The following SYNE2 variants were observed in gnomAD, a reference collection of about 807,000 sequenced individuals.
SYNE2 encodes spectrin repeat containing nuclear envelope protein 2.
Under a neutral mutation model 856.3 loss-of-function variants are expected in SYNE2, and 431 were observed. That is an observed-to-expected ratio of 0.50 (90% CI 0.47 to 0.55). SYNE2 has a LOEUF of 0.55. Ranked by LOEUF, SYNE2 falls within the 20% of genes least tolerant of loss-of-function variation. The pLI, the probability that SYNE2 is intolerant of heterozygous loss-of-function variation, is 0.00. For missense variants in SYNE2, 8,129 were observed against 8,023.2 expected (o/e 1.01, Z -0.50); for synonymous variants, 2,923 against 2,872.3 (o/e 1.02, Z -0.56).
intron 64 of SYNE2, among the ~76,000 whole-genome samples, chr14:64,102,629 C>T: frequency 6.6e-6 from 1 of 150,584 alleles, no homozygotes; most frequent in Non-Finnish European, 1.5e-5. Flanking sequence ...CATTACCTCA[C>T]ATATTTGTCA....
intron 1 of SYNE2, among the ~76,000 whole-genome samples, chr14:63,908,366 C>T (rs538341892): frequency 9.8e-4 from 149 of 152,268 alleles, no homozygotes; most frequent in African/African-American, 3.4e-3. Flanking sequence ...ATTATTTGAT[C>T]ATCCATATGG....
At chr14:63,876,545 T>C (rs2094724554) in intron 1 of SYNE2, among the ~76,000 whole-genome samples, 1 of 151,460 alleles carries the variant, frequency 6.6e-6, no homozygotes, top group Non-Finnish European at 1.5e-5. Flanking sequence ...TGGAGTGCAG[T>C]GGCGTGATTT....
chr14:63,802,111 TA>T (rs1175594994), intron 1 of SYNE2, among the ~76,000 whole-genome samples: 4 of 149,930 alleles, frequency 2.7e-5, no homozygotes, highest in African/African-American at 9.8e-5. Flanking sequence ...TTGTTGTTAC[TA>T]TTATTATTAT....
At chr14:64,094,099 G>C (rs527341387) in intron 61 of SYNE2, among the ~76,000 whole-genome samples, 1 of 151,994 alleles carries the variant, frequency 6.6e-6, no homozygotes, top group South Asian at 2.1e-4. Context: ...TTGGGAGGCC[G>C]AGGCGGGCAG....
At chr14:63,936,334 A>T (rs2095833157) in intron 2 of SYNE2, among the ~76,000 whole-genome samples, 1 of 152,204 alleles carries the variant, frequency 6.6e-6, no homozygotes, top group African/African-American at 2.4e-5. Context: ...AACTTACTGC[A>T]TAAGTAATTT....
chr14:64,146,031 C>T (rs749742230), intron 83 of SYNE2, 37 bp from the exon 84 acceptor site: 22 of 1,425,866 alleles, frequency 1.5e-5, no homozygotes, highest in Middle Eastern at 1.9e-4. Context: ...TTAAAACATA[C>T]ATTTTAACAT....
chr14:64,213,502 G>A (rs1333018711), intron 105 of SYNE2, among the ~76,000 whole-genome samples: 1 of 152,188 alleles, frequency 6.6e-6, no homozygotes. Context: ...GGAAGTTCAG[G>A]TGGAGTTAAG....
rs539692799 is a variant in SYNE2 at position 63,838,801 on chromosome 14, G to T, written c.-304-13700G>T. On this transcript the variant is annotated intron_variant, in intron 1 of 23. Coordinates refer to the SYNE2 transcript ENST00000674003. Reference sequence around the variant, plus strand: ...TGGGATTACAGGTGTGAGCCACCAGGTTTCCTAGCCTACGTGTACATTTTG... The same window carrying T: ...TGGGATTACAGGTGTGAGCCACCAGTTTTCCTAGCCTACGTGTACATTTTG... Among the ~76,000 whole-genome samples, 5 of 152,108 alleles carry T rather than the reference G, an allele frequency of 3.3e-5. No individual in the cohort carries two copies. The East Asian group carries it at 7.7e-4, about 24-fold the overall frequency.
intron 61 of SYNE2, among the ~76,000 whole-genome samples, chr14:64,097,341 A>T (rs2097685502): frequency 6.6e-6 from 1 of 152,164 alleles, no homozygotes; most frequent in Admixed American, 6.5e-5. Context: ...TGCTTAAAAA[A>T]AAAGTAAATG....
rs1194672331 is a variant in SYNE2 at position 64,220,562 on chromosome 14, C to T, written c.19986C>T (p.Ser6662=). Residue 6662 remains serine, a synonymous_variant, in exon 111 of 116, where the codon AGC becomes AGT. Coordinates refer to ENST00000555002, the MANE Select transcript of SYNE2 (RefSeq NM_182914.3). ...TELQSRLRQL[S]LLWEAAQGAV... Reference sequence around the variant, plus strand: ...TCCAAAGTAGACTCCGCCAGCTGAGCCTGCTCTGGGAAGCAGCACAGGGCG... The same window carrying T: ...TCCAAAGTAGACTCCGCCAGCTGAGTCTGCTCTGGGAAGCAGCACAGGGCG... 6.2e-7 allele frequency: 1 copy of T among 1,614,034 alleles called. No homozygotes were observed. The highest frequency in any genetic ancestry group is 2.2e-5 in the East Asian group (1 of 44,898).
intron 1 of SYNE2, among the ~76,000 whole-genome samples, chr14:63,773,538 G>A (rs1360188736): frequency 6.6e-6 from 1 of 152,068 alleles, no homozygotes; most frequent in African/African-American, 2.4e-5. Context: ...TTTAAAATAA[G>A]TTTTTTCTTT....
intron 1 of SYNE2, among the ~76,000 whole-genome samples, chr14:63,899,630 T>A (rs2095308813): frequency 6.6e-6 from 1 of 152,232 alleles, no homozygotes; most frequent in Non-Finnish European, 1.5e-5. Flanking sequence ...GCCTCCCAAG[T>A]AGCTGGGACT....
intron 111 of SYNE2, among the ~76,000 whole-genome samples, 185 bp downstream of exon 111, chr14:64,220,822 C>T (rs1427889795): frequency 6.6e-6 from 1 of 152,192 alleles, no homozygotes; most frequent in East Asian, 1.9e-4. Flanking sequence ...TACTCCCTGT[C>T]CCAGGTCTCG....
At chr14:64,006,978 C>A in intron 30 of SYNE2, 65 bp from the exon 31 acceptor site, 1 of 1,302,988 alleles carries the variant, frequency 7.7e-7, no homozygotes, top group Non-Finnish European at 1.1e-6. Flanking sequence ...CCCAAGTTAC[C>A]CATATTTGTG....
intron 1 of SYNE2, among the ~76,000 whole-genome samples, chr14:63,777,944 A>C (rs1887168388): frequency 6.6e-6 from 1 of 152,196 alleles, no homozygotes; most frequent in South Asian, 2.1e-4. Context: ...CTGGGATTAC[A>C]GGCATGAATC....
intron 104 of SYNE2, 133 bp from the exon 105 acceptor site, chr14:64,212,678 A>C: frequency 1.2e-6 from 1 of 827,864 alleles, no homozygotes; most frequent in South Asian, 1.5e-5. Context: ...TAAAAACTAA[A>C]GCTAGAGTAG....
At chr14:63,985,627 A>T (rs1246629585) in intron 18 of SYNE2, among the ~76,000 whole-genome samples, 1 of 152,236 alleles carries the variant, frequency 6.6e-6, no homozygotes, top group East Asian at 1.9e-4. Context: ...TGTAAAATGT[A>T]TAAAATATTA....
At chr14:63,794,285 G>A (rs575141811) in intron 1 of SYNE2, among the ~76,000 whole-genome samples, 30 of 152,058 alleles carry the variant, frequency 2.0e-4, no homozygotes, top group African/African-American at 4.3e-4. Context: ...GCAATGGTGC[G>A]ATCTTGGCTC....
intron 18 of SYNE2, among the ~76,000 whole-genome samples, chr14:63,985,826 C>T (rs932601594): frequency 2.0e-5 from 3 of 152,024 alleles, no homozygotes; most frequent in African/African-American, 7.3e-5. Flanking sequence ...CTGGGCAACA[C>T]AGTGAGACCC....
Sources: gnomAD v4.1 joint callset for allele counts (sites outside exome capture counted in the v4.1 genomes callset) on GRCh38, gnomAD v4.1.1 for gene constraint, MANE v1.5 for transcripts, NCBI Gene and HGNC (gene_info 2026-07-23, HGNC 2026-07-21) for gene names.